PRKAG2: variants seen among roughly 807,000 people sequenced by gnomAD.
The protein encoded by PRKAG2 is protein kinase AMP-activated non-catalytic subunit gamma 2.
Under a neutral mutation model 69.6 loss-of-function variants are expected in PRKAG2, and 26 were observed. The ratio of observed to expected loss-of-function variants is 0.37; its 90% CI spans 0.27 to 0.52. The LOEUF (loss-of-function observed/expected upper bound fraction) is 0.52. Ranked by LOEUF, PRKAG2 falls within the 20% of genes least tolerant of loss-of-function variation. PRKAG2 has a pLI of 0.90. For missense variants in PRKAG2, 557 were observed against 740.0 expected (o/e 0.75, Z 2.87); for synonymous variants, 293 against 285.0 (o/e 1.03, Z -0.28).
intron 1 of PRKAG2, among the ~76,000 whole-genome samples, chr7:151,855,555 C>T (rs376059732): frequency 2.8e-5 from 4 of 143,378 alleles, no homozygotes; most frequent in African/African-American, 5.1e-5. Context: ...TTTACACACA[C>T]GCCACCCTCC....
chr7:151,604,666 A>C (rs2058498), intron 5 of PRKAG2, among the ~76,000 whole-genome samples: 6,680 of 151,948 alleles, frequency 0.044, 479 homozygotes, highest in African/African-American at 0.15. Flanking sequence ...ATACACACAC[A>C]CCCCAACAAT....
At chr7:151,838,424 G>A (rs1380307756) in intron 1 of PRKAG2, among the ~76,000 whole-genome samples, 1 of 151,920 alleles carries the variant, frequency 6.6e-6, no homozygotes, top group Non-Finnish European at 1.5e-5. Context: ...AAGACAAGGG[G>A]CAGGTGGGTG....
chr7:151,588,931 C>G (rs1324507848), intron 6 of PRKAG2, among the ~76,000 whole-genome samples: 1 of 152,206 alleles, frequency 6.6e-6, no homozygotes, highest in African/African-American at 2.4e-5. Context: ...AAGGGGATGT[C>G]CCCCCTCTCT....
At chr7:151,735,707 C>T (rs1165106674) in intron 3 of PRKAG2, among the ~76,000 whole-genome samples, 3 of 152,176 alleles carry the variant, frequency 2.0e-5, no homozygotes, top group South Asian at 2.1e-4. Flanking sequence ...TATTGTCAGG[C>T]GGCTCCCCAC....
At chr7:151,662,245 G>T (rs1326972266) in intron 4 of PRKAG2, among the ~76,000 whole-genome samples, 1 of 152,146 alleles carries the variant, frequency 6.6e-6, no homozygotes, top group Admixed American at 6.6e-5. Context: ...CTCCACATCA[G>T]ACTTCTAAAT....
chr7:151,831,255 A>G (rs966285836), intron 1 of PRKAG2, among the ~76,000 whole-genome samples: 1 of 152,240 alleles, frequency 6.6e-6, no homozygotes, highest in Admixed American at 6.5e-5. Context: ...AAGAGAAATA[A>G]AAACATATTT....
chr7:151,784,798 C>T (rs1028158380), intron 2 of PRKAG2, among the ~76,000 whole-genome samples: 4 of 152,180 alleles, frequency 2.6e-5, no homozygotes, highest in Admixed American at 2.0e-4. Flanking sequence ...AGGGATCAGG[C>T]CTGAGGAGGG....
chr7:151,737,427 C>T (rs574768559), intron 3 of PRKAG2, among the ~76,000 whole-genome samples: 39 of 152,170 alleles, frequency 2.6e-4, no homozygotes, highest in African/African-American at 8.4e-4. Context: ...TGACTATGCA[C>T]ATGAGGAGGA....
At chr7:151,566,597 C>T (rs1806316283) in intron 11 of PRKAG2, 1 of 451,230 alleles carries the variant, frequency 2.2e-6, no homozygotes, top group East Asian at 7.0e-5. Context: ...ATAGTTGATT[C>T]CATCCTCCTG....
At chr7:151,795,612 C>T (rs750614353) in intron 1 of PRKAG2, among the ~76,000 whole-genome samples, 9 of 152,096 alleles carry the variant, frequency 5.9e-5, no homozygotes, top group South Asian at 2.1e-4. Flanking sequence ...TATTTGCAGA[C>T]GTGGATGACA....
chr7:151,809,509 C>A, intron 1 of PRKAG2: 1 of 273,448 alleles, frequency 3.7e-6, no homozygotes, highest in Admixed American at 5.1e-5. Context: ...AAAAGCATAT[C>A]ATTCCTGCTT....
rs764789855 is a variant in PRKAG2, at chr7:151,572,725, T to A, written c.1006-16A>T. 2.7e-6 allele frequency: 4 copies of A among 1,490,374 alleles called. No individual in the cohort carries two copies. The highest frequency in any genetic ancestry group is 1.2e-5 in the South Asian group (1 of 83,954). The allele number at this position is 1,490,374 out of a possible 1,614,324, so 92.3% of individuals were successfully genotyped here. A position where few individuals can be genotyped will look rare whatever the true frequency, so the allele number is the denominator to read the frequency against. ...AAATCTGTACCTGCAAATAAAAAAATTCTTATTTATAAATATACATATACA... is the reference window on the plus strand; with the variant it reads ...AAATCTGTACCTGCAAATAAAAAAAATCTTATTTATAAATATACATATACA... On this transcript the variant is annotated splice_polypyrimidine_tract_variant and intron_variant, in intron 8 of 15. Transcript: ENST00000287878.
Position 151,876,685 on chromosome 7 carries a change from G to A in PRKAG2, c.-65C>T. On this transcript the variant is annotated 5_prime_UTR_variant, in exon 1 of 16. Coordinates refer to ENST00000287878, the MANE Select transcript of PRKAG2 (RefSeq NM_016203.4). ...GTTCGGTCCCCTCCTTCCCTCCCCC[G>A]GCCGCTGCCTTCGGACTGGAGCCGC... The A allele has an allele frequency of 1.3e-6, 2 of 1,494,992 alleles. No individual in the cohort carries two copies. Among genetic ancestry groups the A allele is most frequent in the South Asian group, 1.1e-5 (1 of 88,010 alleles). The allele number at this position is 1,494,992 out of a possible 1,614,324, so 92.6% of individuals were successfully genotyped here. A position where few individuals can be genotyped will look rare whatever the true frequency, so the allele number is the denominator to read the frequency against.
chr7:151,635,101 T>A (rs548372949), intron 4 of PRKAG2, among the ~76,000 whole-genome samples: 9 of 152,220 alleles, frequency 5.9e-5, no homozygotes, highest in African/African-American at 1.9e-4. Flanking sequence ...AGGCACATGC[T>A]ACCACAGGTC....
intron 5 of PRKAG2, among the ~76,000 whole-genome samples, chr7:151,628,170 G>C (rs1823481973): frequency 6.6e-6 from 1 of 152,156 alleles, no homozygotes; most frequent in East Asian, 1.9e-4. Context: ...AGAGAATGCG[G>C]ACCGCTCTAA....
intron 3 of PRKAG2, among the ~76,000 whole-genome samples, chr7:151,770,702 G>A (rs2075980194): frequency 6.6e-6 from 1 of 152,192 alleles, no homozygotes; most frequent in Non-Finnish European, 1.5e-5. Context: ...TGATTCTTAT[G>A]GAGTGACCTA....
At chr7:151,626,633 C>T (rs896454851) in intron 5 of PRKAG2, among the ~76,000 whole-genome samples, 5 of 151,854 alleles carry the variant, frequency 3.3e-5, no homozygotes, top group South Asian at 2.1e-4. Flanking sequence ...GTCAGTGCCC[C>T]GCAGTAGAGT....
At chr7:151,643,011 T>C (rs1826991843) in intron 4 of PRKAG2, among the ~76,000 whole-genome samples, 1 of 152,214 alleles carries the variant, frequency 6.6e-6, no homozygotes, top group Non-Finnish European at 1.5e-5. Context: ...AAGAAGGAGC[T>C]CAAGGAACAT....
intron 1 of PRKAG2, among the ~76,000 whole-genome samples, chr7:151,832,318 C>T (rs1000577901): frequency 1.2e-4 from 18 of 151,346 alleles, no homozygotes; most frequent in African/African-American, 4.4e-4. Context: ...GTCTTTGCCC[C>T]ACAGAGTTTG....
Sources: allele counts gnomAD v4.1 joint callset (sites outside exome capture counted in the v4.1 genomes callset), GRCh38; gene constraint gnomAD v4.1.1; transcripts MANE v1.5; gene names NCBI Gene and HGNC (gene_info 2026-07-23, HGNC 2026-07-21).